The following ERG variants were observed in gnomAD, a reference collection of about 807,000 sequenced individuals.
The protein encoded by ERG is ETS transcription factor ERG, also known as transcriptional regulator ERG.
A neutral mutation model predicts 55.3 loss-of-function variants in ERG; 9 were observed. The observed-to-expected ratio is 0.16, with a 90% CI of 0.10 to 0.28. ERG has a LOEUF of 0.28. Among genes scored for constraint, ERG ranks in the 10% least tolerant of loss-of-function variants. The probability of loss-of-function intolerance (pLI) is 1.00; values close to 1 mark genes in which losing one functional copy is unlikely to be tolerated. For synonymous variants in ERG, 223 were observed against 237.3 expected (o/e 0.94, Z 0.55); for missense variants, 434 against 631.6 (o/e 0.69, Z 3.35).
chr21:38,502,732 C>CTTTTT (rs547835308), upstream of ERG: 2 of 138,510 alleles, frequency 1.4e-5, no homozygotes, highest in East Asian at 2.0e-4. Flanking sequence ...GTTAAATAAC[C>CTTTTT]TTTTTTTTTT....
chr21:38,367,990 T>A, the ERG span, among the ~76,000 whole-genome samples: 1 of 152,136 alleles, frequency 6.6e-6, no homozygotes, highest in Admixed American at 6.5e-5. Context: ...TCTGGACCCG[T>A]GATGGGAAGG....
chr21:38,580,112 G>C (rs1239272512), intron 1 of ERG, among the ~76,000 whole-genome samples: 1 of 150,672 alleles, frequency 6.6e-6, no homozygotes, highest in Non-Finnish European at 1.5e-5. Flanking sequence ...GAGCCACCAC[G>C]CCCGGCTAAT....
intron 1 of ERG, among the ~76,000 whole-genome samples, chr21:38,627,239 G>A (rs1334565620): frequency 2.0e-5 from 3 of 151,924 alleles, no homozygotes; most frequent in Admixed American, 2.0e-4. Context: ...CAAACAAAAT[G>A]AACAATCAAA....
At chr21:38,603,926 T>C (rs1186868410) in intron 1 of ERG, among the ~76,000 whole-genome samples, 2 of 151,300 alleles carry the variant, frequency 1.3e-5, no homozygotes, top group South Asian at 2.1e-4. Context: ...CTTCACGTAT[T>C]GGCATCTTGA....
At chr21:38,573,195 C>T (rs574420998) in intron 2 of ERG, among the ~76,000 whole-genome samples, 94 of 152,364 alleles carry the variant, frequency 6.2e-4, no homozygotes, top group Middle Eastern at 3.4e-3. Flanking sequence ...CCGCAGGGAC[C>T]TCTGCCCTTG....
At chr21:38,392,060 G>A (rs1205839365) in intron 7 of ERG, among the ~76,000 whole-genome samples, 2 of 152,152 alleles carry the variant, frequency 1.3e-5, no homozygotes. Flanking sequence ...AGTAAAGCCA[G>A]GGATACTTTT....
chr21:38,383,030 T>C lies in ERG; in HGVS notation c.*373A>G, dbSNP rs1030273050. ...TTAGGTCAAAACTGTGTTGTTTCTA[T>C]TGCTTTAGTTTCATCCCAGTTTGCA... is the stretch of plus-strand genomic sequence containing the variant. On this transcript the variant is annotated 3_prime_UTR_variant, in exon 10 of 10. Coordinates refer to ENST00000288319, the MANE Select transcript of ERG (RefSeq NM_182918.4). This position sits in a 1 kb window ranked among gnomAD's most constrained non-coding sequence, Gnocchi z 5.7. 5.5e-6 allele frequency: 6 copies of C among 1,083,200 alleles called. No individual in the cohort carries two copies. In the African/African-American group the frequency reaches 9.7e-5, roughly 18 times the overall value. 67.1% of individuals were successfully genotyped at this position (1,083,200 alleles called of 1,614,324 possible). A position where few individuals can be genotyped will look rare whatever the true frequency, so the allele number is the denominator to read the frequency against.
chr21:38,499,403 AG>A (rs2059404479), upstream of ERG, among the ~76,000 whole-genome samples: 1 of 152,190 alleles, frequency 6.6e-6, no homozygotes. Flanking sequence ...CATTCCTTAG[AG>A]GGTTTCAGGA....
At chr21:38,593,206 C>A (rs543968171) in intron 1 of ERG, among the ~76,000 whole-genome samples, 29 of 152,244 alleles carry the variant, frequency 1.9e-4, no homozygotes, top group Non-Finnish European at 3.7e-4. Context: ...TGCCTGGGGC[C>A]CCCCTGTAAA....
At chr21:38,580,554 A>G (rs992238750) in intron 1 of ERG, among the ~76,000 whole-genome samples, 3 of 152,180 alleles carry the variant, frequency 2.0e-5, no homozygotes, top group Non-Finnish European at 4.4e-5. Context: ...TTCTTGCAAT[A>G]AACTCATTTG....
chr21:38,404,374 C>T (rs961110279), intron 3 of ERG, among the ~76,000 whole-genome samples: 1 of 152,114 alleles, frequency 6.6e-6, no homozygotes, highest in Non-Finnish European at 1.5e-5. Context: ...GTGGTTTTTG[C>T]ATTCCACAGC....
chr21:38,645,673 AAG>A (rs746825095), intron 1 of ERG, among the ~76,000 whole-genome samples: 4 of 152,244 alleles, frequency 2.6e-5, no homozygotes, highest in African/African-American at 7.2e-5. Flanking sequence ...AGACTTGAGA[AAG>A]AGTGAGCTTT....
chr21:38,415,648 AGGTTCT>A (rs1245408032), intron 3 of ERG, among the ~76,000 whole-genome samples: 1 of 152,102 alleles, frequency 6.6e-6, no homozygotes, highest in Non-Finnish European at 1.5e-5. Context: ...TTTCACCAGC[AGGTTCT>A]GGGCCTGAGA....
At chr21:38,400,149 A>G (rs936117089) in intron 6 of ERG, 14 of 393,482 alleles carry the variant, frequency 3.6e-5, no homozygotes, top group Non-Finnish European at 6.3e-5. Flanking sequence ...AGATGTAAAT[A>G]CTACTGGTTG....
At chr21:38,391,955 TA>T (rs34250716) in intron 7 of ERG, among the ~76,000 whole-genome samples, 226 of 141,512 alleles carry the variant, frequency 1.6e-3, no homozygotes, top group African/African-American at 2.2e-3. Flanking sequence ...TTTCCAAAAG[TA>T]AAAAAAAAAA....
intron 2 of ERG, among the ~76,000 whole-genome samples, chr21:38,526,796 A>C (rs2059633310): frequency 6.6e-6 from 1 of 152,202 alleles, no homozygotes; most frequent in Admixed American, 6.5e-5. Context: ...TTAAAATAAA[A>C]TGAATAAAAT....
At chr21:38,369,440 C>T in the ERG span, among the ~76,000 whole-genome samples, 4 of 152,136 alleles carry the variant, frequency 2.6e-5, no homozygotes, top group Non-Finnish European at 2.9e-5. Flanking sequence ...CTGTTCATGA[C>T]CTTTGCTCAC....
intron 1 of ERG, among the ~76,000 whole-genome samples, chr21:38,641,045 G>A (rs372293052): frequency 6.6e-5 from 10 of 152,164 alleles, no homozygotes; most frequent in South Asian, 2.1e-4. Flanking sequence ...ATAGGCAACC[G>A]TTTTCTGAGA....
In ERG at chr21:38,653,821, G is replaced by C. The variant is rs564431593; in HGVS notation, c.-150+7837C>G. 2.0e-5 allele frequency among the ~76,000 whole-genome samples: 3 copies of C among 152,248 alleles called. No homozygotes were observed. In the South Asian group the frequency reaches 6.2e-4, roughly 32 times the overall value. On this transcript the variant is annotated intron_variant, in intron 1 of 10. Transcript: ENST00000398910. ...GGGACAGTGCTCTCATTTAATAGAT[G>C]CTCAATATATTTTAATTAAGAAATG...
Sources: gnomAD v4.1 joint callset for allele counts (sites outside exome capture counted in the v4.1 genomes callset) on GRCh38, gnomAD v4.1.1 for gene constraint, Gnocchi (gnomAD v3.1) non-coding constraint, MANE v1.5 for transcripts, NCBI Gene and HGNC (gene_info 2026-07-23, HGNC 2026-07-21) for gene names.